RPGRIP1: variants seen among roughly 807,000 people sequenced by gnomAD.
RPGRIP1 encodes the protein X-linked retinitis pigmentosa GTPase regulator-interacting protein 1.
RPGRIP1 carries 128 observed loss-of-function variants against 157.9 expected under a neutral mutation model. The observed-to-expected ratio is 0.81, with a 90% confidence interval of 0.70 to 0.94. RPGRIP1 has a LOEUF of 0.94. Ranked by LOEUF, RPGRIP1 falls within the 40% of genes least tolerant of loss-of-function variation. RPGRIP1 has a pLI of 0.00. For synonymous variants in RPGRIP1, 554 were observed against 571.6 expected, an observed-to-expected ratio of 0.97 and a Z score of 0.44; for missense variants, 1,486 against 1,545.8, an observed-to-expected ratio of 0.96 and a Z score of 0.65.
chr14:21,310,936 T>A (rs940651328), intron 8 of RPGRIP1: 1 of 562,556 alleles, frequency 1.8e-6, no homozygotes, highest in Non-Finnish European at 3.5e-6. Flanking sequence ...TGATGAGATA[T>A]AACAAAGTTG....
chr14:21,304,682 A>G (rs146030867), intron 6 of RPGRIP1, among the ~76,000 whole-genome samples: 2,062 of 152,228 alleles, frequency 0.014, 21 homozygotes, highest in Non-Finnish European at 0.019. Flanking sequence ...AGCCTCCCCA[A>G]CTATCAGCAC....
rs1269936633 is a variant in RPGRIP1, at chr14:21,311,914, G to A, written c.1021G>A (p.Val341Met). 4 of 1,613,234 alleles carry A rather than the reference G, an allele frequency of 2.5e-6. No individual in the cohort carries two copies. Among genetic ancestry groups the A allele is most frequent in the Non-Finnish European group, 3.4e-6 (4 of 1,179,644 alleles). ...GCTGAAGGAAGAAAGCAAGAAGGCT[G>A]TGAGCTTGAAGAGCCAACTGGAAGA... is the stretch of plus-strand genomic sequence containing the variant. ...AELKEESKKA[V>M]SLKSQLEDVS... The change falls in exon 9 of 25, where the codon GTG (valine) becomes ATG (methionine). Residue 341 changes from valine (V) to methionine (M), a missense_variant. Physicochemically the swap from Val to Met is conservative, Grantham distance 21. Transcript: ENST00000400017.
Position 21,324,698 on chromosome 14 carries a change from A to G in RPGRIP1, c.1843A>G (p.Lys615Glu), listed in dbSNP as rs1390236427. Residue 615 changes from lysine to glutamate, a missense_variant, in exon 15 of 25, where the codon AAA becomes GAA. Coordinates refer to ENST00000400017, the MANE Select transcript of RPGRIP1 (RefSeq NM_020366.4). ...ETLPAHGDEDKVDISLLHQGE... is the reference protein window; with the variant it reads ...ETLPAHGDEDEVDISLLHQGE... Reference sequence around the variant, plus strand: ...ACTGCCAGCCCATGGAGATGAGGATAAAGTGGATATTTCTCTGCTGCATCA... The same window carrying G: ...ACTGCCAGCCCATGGAGATGAGGATGAAGTGGATATTTCTCTGCTGCATCA... 6 of 1,614,056 alleles carry G rather than the reference A, an allele frequency of 3.7e-6. No individual in the cohort carries two copies. Among genetic ancestry groups the G allele is most frequent in the Non-Finnish European group, 5.1e-6 (6 of 1,179,896 alleles).
intron 7 of RPGRIP1, 29 bp downstream of exon 7, chr14:21,307,865 T>C (rs1382136117): frequency 7.8e-7 from 1 of 1,285,160 alleles, no homozygotes; most frequent in East Asian, 2.6e-5. Context: ...CTGTGCTTTC[T>C]TGGTGGGGGG....
intron 24 of RPGRIP1, among the ~76,000 whole-genome samples, chr14:21,350,003 C>T (rs1886031464): frequency 6.6e-6 from 1 of 152,146 alleles, no homozygotes; most frequent in Admixed American, 6.5e-5. Context: ...CAGACACACA[C>T]CCCATTAGTG....
chr14:21,294,930 C>T lies in RPGRIP1; in HGVS notation c.218+121C>T, dbSNP rs1427723849. ...CATGATCTTGGCTCACTGCAACCTC[C>T]GCCTCCAGATTCAAGCAATTCTCCT... On this transcript the variant is annotated intron_variant, in intron 3 of 24. Transcript: ENST00000400017. The T allele has an allele frequency of 3.4e-5, 26 of 759,666 alleles. 1 individual carries two copies. The highest frequency in any genetic ancestry group is 2.8e-4 in the African/African-American group (15 of 53,430). The allele number at this position is 759,666 out of a possible 1,614,324, so 47.1% of individuals were successfully genotyped here. A position where few individuals can be genotyped will look rare whatever the true frequency, so the allele number is the denominator to read the frequency against.
chr14:21,295,740 T>G (rs1483998994), intron 3 of RPGRIP1, among the ~76,000 whole-genome samples: 1 of 151,760 alleles, frequency 6.6e-6, no homozygotes, highest in African/African-American at 2.4e-5. Context: ...CCTCCCAAAT[T>G]GCTGGGATTA....
Position 21,301,202 on chromosome 14 carries a change from C to T in RPGRIP1, c.455C>T (p.Thr152Ile). ...CAAGTGGGACACAGACAGCTCCACA[C>T]AGCCGGTGCACCGGTGCCGGAGAAA... ...RVQVGHRQLH[T>I]AGAPVPEKPK... The change falls in exon 4 of 25, where the codon ACA (threonine) becomes ATA (isoleucine). Residue 152 changes from threonine to isoleucine, a missense_variant. By Grantham distance (89) the Thr-to-Ile change is moderately conservative. Transcript: ENST00000400017. The T allele has an allele frequency of 1.9e-6, 3 of 1,593,776 alleles. No individual in the cohort carries two copies. The highest frequency in any genetic ancestry group is 1.1e-5 in the South Asian group (1 of 87,954).
chr14:21,285,276 A>G (rs1880257863), intron 1 of RPGRIP1, among the ~76,000 whole-genome samples: 1 of 151,928 alleles, frequency 6.6e-6, no homozygotes, highest in Non-Finnish European at 1.5e-5. Flanking sequence ...AAGATGCTTG[A>G]GAGACCAAAG....
intron 1 of RPGRIP1, among the ~76,000 whole-genome samples, chr14:21,281,708 AATAAT>A (rs1566663257): frequency 3.5e-4 from 48 of 137,770 alleles, no homozygotes; most frequent in South Asian, 2.2e-3. Context: ...AAAAATAAAT[AATAAT>A]AATAATAATA....
intron 7 of RPGRIP1, among the ~76,000 whole-genome samples, chr14:21,308,230 G>C (rs1881397985): frequency 6.6e-6 from 1 of 152,192 alleles, no homozygotes; most frequent in Admixed American, 6.5e-5. Context: ...CTCTGTCCCA[G>C]ATATTTACAG....
chr14:21,316,167 C>T (rs555083156), intron 10 of RPGRIP1, among the ~76,000 whole-genome samples: 6 of 151,794 alleles, frequency 4.0e-5, no homozygotes, highest in African/African-American at 7.3e-5. Flanking sequence ...TTAGTAGAGA[C>T]GGGGTTTCAC....
At chr14:21,293,396 C>T (rs992752469) in intron 2 of RPGRIP1, among the ~76,000 whole-genome samples, 1 of 152,074 alleles carries the variant, frequency 6.6e-6, no homozygotes, top group South Asian at 2.1e-4. Context: ...TTTTTGAAGA[C>T]AGTCATGGGA....
chr14:21,320,709 C>T (rs1882359975), intron 12 of RPGRIP1, among the ~76,000 whole-genome samples: 1 of 150,876 alleles, frequency 6.6e-6, no homozygotes, highest in Non-Finnish European at 1.5e-5. Flanking sequence ...AAGCAATTCT[C>T]CTTCCTCAGC....
At chr14:21,320,574 A>G (rs1882323149) in intron 12 of RPGRIP1, among the ~76,000 whole-genome samples, 1 of 137,786 alleles carries the variant, frequency 7.3e-6, no homozygotes, top group African/African-American at 2.7e-5. Flanking sequence ...TACAGGCGTA[A>G]GCCACCGCGC....
At chr14:21,294,839 T>A (rs1274540081) in intron 3 of RPGRIP1, 30 bp downstream of exon 3, 17 of 485,626 alleles carry the variant, frequency 3.5e-5, no homozygotes, top group South Asian at 2.1e-4. Context: ...AATTTTTTTT[T>A]TTTTTTTTTT....
intron 3 of RPGRIP1, among the ~76,000 whole-genome samples, chr14:21,297,534 C>T (rs1757483873): frequency 6.6e-6 from 1 of 152,110 alleles, no homozygotes; most frequent in Admixed American, 6.6e-5. Context: ...TGGGAGTTCT[C>T]AAAGTCTGGA....
At position 21,348,292 on chromosome 14, in the gene RPGRIP1, A is replaced by G. The variant is rs751191642; in HGVS notation, c.3738A>G (p.Gln1246=). Residue 1246 remains glutamine (Q), a synonymous_variant, in exon 24 of 25, where the codon CAA becomes CAG. Transcript: ENST00000400017. ...ILESGRDILE[Q]ELDIVSPEDL... is the part of the protein sequence containing the mutation. ...AGTCAGGAAGAGATATTCTAGAGCA[A>G]GAGCTAGACAGTGAGTCATTTTTTT... 7 of 1,568,330 alleles carry G rather than the reference A, an allele frequency of 4.5e-6. No homozygotes were observed. Among genetic ancestry groups the G allele is most frequent in the Middle Eastern group, 1.7e-4 (1 of 5,986 alleles).
At chr14:21,290,818 C>CAAA (rs111616598) in intron 2 of RPGRIP1, among the ~76,000 whole-genome samples, 1 of 114,894 alleles carries the variant, frequency 8.7e-6, no homozygotes, top group Non-Finnish European at 1.8e-5. Flanking sequence ...GACTCCGTCT[C>CAAA]AAAAAAAAAA....
Sources: gnomAD v4.1 joint callset for allele counts (sites outside exome capture counted in the v4.1 genomes callset) on GRCh38, gnomAD v4.1.1 for gene constraint, MANE v1.5 for transcripts, NCBI Gene and HGNC (gene_info 2026-07-23, HGNC 2026-07-21) for gene names.